Variants in MCFD2 observed in about 807,000 individuals in gnomAD.
MCFD2 encodes the protein multiple coagulation factor deficiency protein 2.
Under a neutral mutation model 12.8 loss-of-function variants are expected in MCFD2, and 11 were observed. That is an observed-to-expected ratio of 0.86 (90% confidence interval 0.54 to 1.42). MCFD2 has a LOEUF of 1.42. Ranked by LOEUF, MCFD2 falls within the 40% of genes most tolerant of loss-of-function variation. MCFD2 has a pLI of 0.00. For missense variants in MCFD2, 191 were observed against 178.6 expected (o/e 1.07, Z -0.40); for synonymous variants, 70 against 68.1 (o/e 1.03, Z -0.14).
chr2:46,936,820 A>G (rs1276492622), intron 1 of MCFD2, among the ~76,000 whole-genome samples: 2 of 151,922 alleles, frequency 1.3e-5, no homozygotes, highest in African/African-American at 4.8e-5. Context: ...CTTTTTTTTC[A>G]TTAGCATGAG....
intron 1 of MCFD2, among the ~76,000 whole-genome samples, chr2:46,921,369 G>A (rs1669093714): frequency 6.6e-6 from 1 of 152,178 alleles, no homozygotes; most frequent in Non-Finnish European, 1.5e-5. Context: ...CAATAAGCAA[G>A]TAGAAATGGA....
Position 46,933,786 on chromosome 2 carries a change from AATTTAT to A in MCFD2, c.-8+7780_-8+7785del, listed in dbSNP as rs139355565. ...ACTGTTGATCATGAAGCAAATGTTT[AATTTAT>A]ATTTAAATTTAGGATTTCTAGGGTG... On this transcript the variant is annotated intron_variant, in intron 1 of 2. Coordinates refer to the MCFD2 transcript ENST00000409147. 5.2e-3 allele frequency among the ~76,000 whole-genome samples: 790 copies of A among 152,338 alleles called. 5 individuals carry two copies. Among genetic ancestry groups the A allele is most frequent in the African/African-American group, 0.018 (757 of 41,564 alleles).
At chr2:46,929,393 A>G (rs765108280) in intron 1 of MCFD2, among the ~76,000 whole-genome samples, 14 of 152,156 alleles carry the variant, frequency 9.2e-5, no homozygotes, top group African/African-American at 1.9e-4. Context: ...AGGCTGAGGC[A>G]GGATTGCTTG....
At chr2:46,935,652 G>A (rs987679036) in intron 1 of MCFD2, among the ~76,000 whole-genome samples, 1 of 152,150 alleles carries the variant, frequency 6.6e-6, no homozygotes, top group South Asian at 2.1e-4. Context: ...ATCCAACTGA[G>A]ACCTCCTCAA....
Position 46,915,734 on chromosome 2 carries a change from C to T in MCFD2, c.-18G>A, listed in dbSNP as rs1668724667. The stretch of plus-strand genomic sequence containing the variant: ...GCTAGTTCACTCACCCTTACGGTCT[C>T]CGAAGCAGACGCGAAGCCCTCCAAC... On this transcript the variant is annotated 5_prime_UTR_variant, in exon 1 of 4. Transcript: ENST00000319466. 13 of 980,352 alleles carry T rather than the reference C, an allele frequency of 1.3e-5. No homozygotes were observed. The highest frequency in any genetic ancestry group is 4.7e-5 in the South Asian group (1 of 21,144). The allele number at this position is 980,352 out of a possible 1,614,324, so 60.7% of individuals were successfully genotyped here.
rs1457739523 is a variant in MCFD2, at chr2:46,904,917, A to C, written c.*546T>G. On this transcript the variant is annotated 3_prime_UTR_variant, in exon 4 of 4. Coordinates refer to ENST00000319466, the MANE Select transcript of MCFD2 (RefSeq NM_139279.6). The stretch of plus-strand genomic sequence containing the variant: ...CACCCAAATCTCAACTTGAAATTGT[A>C]TCTACCAGAATTCCCACGTGTTGTG... 1.0e-5 allele frequency: 2 copies of C among 196,422 alleles called. No individual in the cohort carries two copies. The highest frequency in any genetic ancestry group is 2.1e-5 in the Non-Finnish European group (2 of 94,712). The allele number at this position is 196,422 out of a possible 1,614,324, so 12.2% of individuals were successfully genotyped here. A position where few individuals can be genotyped will look rare whatever the true frequency, so the allele number is the denominator to read the frequency against.
chr2:46,934,787 CTTTTTTTTTTTTT>C (rs1161003607), intron 1 of MCFD2, among the ~76,000 whole-genome samples: 24 of 66,912 alleles, frequency 3.6e-4, no homozygotes, highest in Middle Eastern at 0.015. Flanking sequence ...GACTACTGCT[CTTTTTTTTTTTTT>C]TTTTTTTTTT....
intron 1 of MCFD2, 41 bp from the exon 2 acceptor site, chr2:46,909,218 GAGC>G: frequency 2.5e-6 from 4 of 1,594,290 alleles, no homozygotes; most frequent in Non-Finnish European, 2.6e-6. Context: ...CAGAGCATCA[GAGC>G]AAAGGTTTCG....
upstream of MCFD2, chr2:46,917,158 C>T (rs1558469232): frequency 1.4e-6 from 1 of 701,028 alleles, no homozygotes. Context: ...TCCCATAATC[C>T]CTAATTTTTT....
rs1399482768 is a variant in MCFD2, at chr2:46,941,542, A to G, written c.-8+30T>C. ...CTTCCATGACAGCGCCCGCGAGAAG[A>G]TGGCTGCGAAGGGCGCGCACGGCTC... On this transcript the variant is annotated intron_variant, in intron 1 of 2. Coordinates refer to the MCFD2 transcript ENST00000409147. This position sits in a 1 kb window ranked among gnomAD's most constrained non-coding sequence, Gnocchi z 4.2. The G allele has an allele frequency of 3.9e-6, 6 of 1,552,982 alleles. No individual in the cohort carries two copies. Among genetic ancestry groups the G allele is most frequent in the Non-Finnish European group, 5.2e-6 (6 of 1,148,674 alleles).
Position 46,904,318 on chromosome 2 carries a change from G to A in MCFD2, c.*1145C>T, listed in dbSNP as rs937365077. On this transcript the variant is annotated 3_prime_UTR_variant, in exon 4 of 4. Transcript: ENST00000319466. ...GTCCCTACTGGGGCACTGCCTAGTG[G>A]AGCTGTGAGAAGAGGGCCACCGTCC... The A allele has an allele frequency of 6.6e-6, 1 of 150,878 alleles. No homozygotes were observed. The highest frequency in any genetic ancestry group is 6.6e-5 in the Admixed American group (1 of 15,174). The allele number at this position is 150,878 out of a possible 1,614,324, so 9.3% of individuals were successfully genotyped here.
At chr2:46,917,108 C>T (rs1336368379), upstream of MCFD2, 2 of 691,628 alleles carry the variant, frequency 2.9e-6, no homozygotes, top group Non-Finnish European at 2.6e-6. Context: ...TTCCCACCTT[C>T]ATCTGAGATT....
Position 46,941,421 on chromosome 2 carries a change from G to GGCCCCGGCTGCCGTCTGC in MCFD2, c.-8+133_-8+150dup. On this transcript the variant is annotated intron_variant, in intron 1 of 2. Coordinates refer to the MCFD2 transcript ENST00000409147. This position sits in a 1 kb window ranked among gnomAD's most constrained non-coding sequence, Gnocchi z 4.2. The stretch of plus-strand genomic sequence containing the variant: ...CCGCCCGGGCCCCCGCTGCCGCCCG[G>GGCCCCGGCTGCCGTCTGC]GCCCCGGCTGCCGTCTGCGCCCCCG... 1.9e-6 allele frequency: 2 copies of GGCCCCGGCTGCCGTCTGC among 1,053,308 alleles called. No individual in the cohort carries two copies. The highest frequency in any genetic ancestry group is 2.4e-6 in the Non-Finnish European group (2 of 828,776). The allele number at this position is 1,053,308 out of a possible 1,614,324, so 65.2% of individuals were successfully genotyped here.
rs1192137019 is a variant in MCFD2 at position 46,915,784 on chromosome 2, C to T, written c.-68G>A. 3.1e-6 allele frequency: 3 copies of T among 971,428 alleles called. No individual in the cohort carries two copies. Among genetic ancestry groups the T allele is most frequent in the African/African-American group, 3.7e-5 (2 of 54,608 alleles). 60.2% of individuals were successfully genotyped at this position (971,428 alleles called of 1,614,324 possible). A position where few individuals can be genotyped will look rare whatever the true frequency, so the allele number is the denominator to read the frequency against. On this transcript the variant is annotated 5_prime_UTR_variant, in exon 1 of 4. Transcript: ENST00000319466. ...CGTGAGCCTCACCAGCCCCCGTCCC[C>T]AAAACGCTCTTCCTCGGCTTCGCCC... is the stretch of plus-strand genomic sequence containing the variant.
intron 3 of MCFD2, 67 bp from the exon 4 acceptor site, chr2:46,905,661 C>T: frequency 6.9e-6 from 7 of 1,014,862 alleles, no homozygotes; most frequent in Non-Finnish European, 1.0e-5. Flanking sequence ...AACTAACGTC[C>T]AAAATATCCA....
chr2:46,905,856 T>A (rs1668204574), intron 3 of MCFD2: 2 of 570,770 alleles, frequency 3.5e-6, no homozygotes, highest in Middle Eastern at 5.8e-4. Flanking sequence ...AGTTTAGAAA[T>A]TACATTTGCC....
At position 46,940,434 on chromosome 2, in the gene MCFD2, G is replaced by A. The variant is rs991074196; in HGVS notation, c.-8+1138C>T. On this transcript the variant is annotated intron_variant, in intron 1 of 2. Coordinates refer to the MCFD2 transcript ENST00000409147. The surrounding 1 kb of genome is among the most constrained non-coding windows in gnomAD (Gnocchi z 4.7). ...CCCTGTAAGAGGTCTCCCCCCAAGG[G>A]TGGACCTCGGCTGCCCCCGCTAGGC... 3.9e-5 allele frequency among the ~76,000 whole-genome samples: 6 copies of A among 152,152 alleles called. No individual in the cohort carries two copies. Among genetic ancestry groups the A allele is most frequent in the Non-Finnish European group, 7.4e-5 (5 of 68,018 alleles).
chr2:46,915,805 C>A lies in MCFD2; in HGVS notation c.-89G>T, dbSNP rs1668731806. On this transcript the variant is annotated 5_prime_UTR_variant, in exon 1 of 4. Coordinates refer to ENST00000319466, the MANE Select transcript of MCFD2 (RefSeq NM_139279.6). ...TCCCCAAAACGCTCTTCCTCGGCTT[C>A]GCCCCGCCCCCCCCCCCCCCCCGAC... The A allele has an allele frequency of 8.1e-6, 3 of 368,324 alleles. No homozygotes were observed. The highest frequency in any genetic ancestry group is 9.2e-6 in the Non-Finnish European group (3 of 327,210). 22.8% of individuals were successfully genotyped at this position (368,324 alleles called of 1,614,324 possible). A position where few individuals can be genotyped will look rare whatever the true frequency, so the allele number is the denominator to read the frequency against.
rs939184847 is a variant in MCFD2, at chr2:46,904,400, C to T, written c.*1063G>A. 15 of 156,026 alleles carry T rather than the reference C, an allele frequency of 9.6e-5. No homozygotes were observed. Among genetic ancestry groups the T allele is most frequent in the South Asian group, 2.0e-4 (1 of 4,906 alleles). 9.7% of individuals were successfully genotyped at this position (156,026 alleles called of 1,614,324 possible). ...GCTTGCACCGTGCACCTGGAAAAGC[C>T]GCAGGCACTGAACAACAGCCGTGAA... On this transcript the variant is annotated 3_prime_UTR_variant, in exon 4 of 4. Coordinates refer to ENST00000319466, the MANE Select transcript of MCFD2 (RefSeq NM_139279.6).
Sources: allele counts gnomAD v4.1 joint callset (sites outside exome capture counted in the v4.1 genomes callset), GRCh38; gene constraint gnomAD v4.1.1; non-coding constraint Gnocchi (gnomAD v3.1); transcripts MANE v1.5; gene names NCBI Gene and HGNC (gene_info 2026-07-23, HGNC 2026-07-21).